Variants in DRC2 observed in about 807,000 individuals in gnomAD.
DRC2 encodes the protein dynein regulatory complex subunit 2.
the DRC2 span, among the ~76,000 whole-genome samples, chr12:48,909,778 CTT>C: frequency 7.5e-3 from 1,044 of 138,952 alleles, 5 homozygotes; most frequent in Non-Finnish European, 0.011. Context: ...CGCCCAGCCT[CTT>C]TTTTTTTTTT....
chr12:48,907,784 A>C, the DRC2 span, among the ~76,000 whole-genome samples: 1 of 152,198 alleles, frequency 6.6e-6, no homozygotes, highest in Middle Eastern at 3.4e-3. Flanking sequence ...GCATGACACC[A>C]TTCTGTCATT....
At chr12:48,904,290 G>A in the DRC2 span, 3 of 1,590,624 alleles carry the variant, frequency 1.9e-6, no homozygotes, top group African/African-American at 4.1e-5. Context: ...TGTAACGCGG[G>A]CCGAGGCAGA....
chr12:48,914,391 C>T, the DRC2 span: 25 of 1,584,384 alleles, frequency 1.6e-5, no homozygotes, highest in Non-Finnish European at 2.2e-5. Flanking sequence ...GTAACTCTCT[C>T]TTTCTGGCCT....
chr12:48,914,413 A>G, the DRC2 span: 1 of 1,608,654 alleles, frequency 6.2e-7, no homozygotes, highest in Non-Finnish European at 8.5e-7. Flanking sequence ...GTCTTTAGCT[A>G]AAGACCTGTC....
the DRC2 span, among the ~76,000 whole-genome samples, chr12:48,905,575 G>T: frequency 6.6e-5 from 10 of 152,182 alleles, no homozygotes; most frequent in Non-Finnish European, 1.5e-5. Context: ...CCTGGATAAG[G>T]TTGAGAAGAT....
chr12:48,918,600 A>G, the DRC2 span: 1 of 1,497,814 alleles, frequency 6.7e-7, no homozygotes, highest in Non-Finnish European at 9.2e-7. Flanking sequence ...CTCTGATTTC[A>G]GTCCCCAGGC....
chr12:48,921,251 A>C, the DRC2 span: 1 of 1,614,202 alleles, frequency 6.2e-7, no homozygotes, highest in Admixed American at 1.7e-5. Flanking sequence ...TCCAACATAG[A>C]CGAGCCCAGC....
At chr12:48,909,571 G>A in the DRC2 span, among the ~76,000 whole-genome samples, 1 of 151,888 alleles carries the variant, frequency 6.6e-6, no homozygotes, top group South Asian at 2.1e-4. Flanking sequence ...TTCGCCTCTC[G>A]GGTTCAAGTG....
chr12:48,917,241 G>A, the DRC2 span: 6 of 981,700 alleles, frequency 6.1e-6, no homozygotes, highest in South Asian at 9.6e-5. Context: ...ACTTGAGACT[G>A]GGAGTTCAAG....
At chr12:48,920,196 CTT>C in the DRC2 span, among the ~76,000 whole-genome samples, 1 of 144,530 alleles carries the variant, frequency 6.9e-6, no homozygotes, top group Admixed American at 6.9e-5. Flanking sequence ...AATCCCAACA[CTT>C]TGGGAGGCCG....
the DRC2 span, chr12:48,917,200 C>T: frequency 2.7e-6 from 4 of 1,479,798 alleles, no homozygotes; most frequent in African/African-American, 2.8e-5. Context: ...CCTGTAATCC[C>T]AGCACCTTGG....
the DRC2 span, chr12:48,921,245 A>G: frequency 6.2e-7 from 1 of 1,614,240 alleles, no homozygotes; most frequent in Non-Finnish European, 8.5e-7. Context: ...TGAGCCTCCA[A>G]CATAGACGAG....
chr12:48,908,604 A>ATTAAT, the DRC2 span, among the ~76,000 whole-genome samples: 11 of 110,966 alleles, frequency 9.9e-5, no homozygotes, highest in South Asian at 5.8e-4. Flanking sequence ...TATTATTATT[A>ATTAAT]TTATTTATTT....
chr12:48,921,482 G>T, the DRC2 span: 2 of 1,536,738 alleles, frequency 1.3e-6, no homozygotes, highest in Non-Finnish European at 8.7e-7. Context: ...TCCACAACCT[G>T]TGATCTAAGG....
the DRC2 span, among the ~76,000 whole-genome samples, chr12:48,913,768 T>C: frequency 6.6e-6 from 1 of 152,078 alleles, no homozygotes; most frequent in Non-Finnish European, 1.5e-5. Flanking sequence ...GTGCTGGGAT[T>C]ACAGGCTTGT....
At chr12:48,907,886 T>C in the DRC2 span, among the ~76,000 whole-genome samples, 1 of 152,166 alleles carries the variant, frequency 6.6e-6, no homozygotes, top group Non-Finnish European at 1.5e-5. Context: ...GATTTCTGAG[T>C]CTGGCCATCT....
the DRC2 span, among the ~76,000 whole-genome samples, chr12:48,914,976 A>C: frequency 6.6e-6 from 1 of 151,978 alleles, no homozygotes. Flanking sequence ...TTCCTGCCTC[A>C]GTGTCCCCAG....
chr12:48,904,433 A>G, the DRC2 span: 12 of 1,613,852 alleles, frequency 7.4e-6, no homozygotes, highest in Middle Eastern at 1.7e-4. Flanking sequence ...GGAGATGGCC[A>G]AAAAGAAGGA....
At chr12:48,904,180 T>C in the DRC2 span, 2 of 889,708 alleles carry the variant, frequency 2.2e-6, no homozygotes, top group Non-Finnish European at 3.4e-6. Context: ...TAGCCGGGGA[T>C]CTCTCCTGTT....
Sources: gnomAD v4.1 joint callset for allele counts (sites outside exome capture counted in the v4.1 genomes callset) on GRCh38, gnomAD v4.1.1 for gene constraint, MANE v1.5 for transcripts, NCBI Gene and HGNC (gene_info 2026-07-23, HGNC 2026-07-21) for gene names.